Variants in ARHGAP22 observed in about 807,000 individuals in gnomAD.
ARHGAP22 encodes Rho GTPase activating protein 22, also known as rho GTPase-activating protein 22.
ARHGAP22 carries 48 observed loss-of-function variants against 59.1 expected under a neutral mutation model. The ratio of observed to expected loss-of-function variants is 0.81; its 90% CI spans 0.64 to 1.03. The LOEUF (loss-of-function observed/expected upper bound fraction) is 1.03, where lower values mean the gene tolerates loss of function less well. Among genes scored for constraint, ARHGAP22 ranks in the 50% least tolerant of loss-of-function variants. The probability of loss-of-function intolerance (pLI) is 0.00; values close to 1 mark genes in which losing one functional copy is unlikely to be tolerated. For synonymous variants in ARHGAP22, 445 were observed against 416.4 expected, an observed-to-expected ratio of 1.07 and a Z score of -0.84; for missense variants, 1,015 against 958.7, an observed-to-expected ratio of 1.06 and a Z score of -0.78.
At chr10:48,437,523 C>G in the ARHGAP22 span, 1 of 152,144 alleles carries the variant, frequency 6.6e-6, no homozygotes, top group Non-Finnish European at 1.5e-5. Flanking sequence ...TTCATAGATT[C>G]AGAAAGAGAT....
In ARHGAP22 at chr10:48,455,094, A is replaced by T; in HGVS notation, c.700T>A (p.Tyr234Asn). 1 of 1,612,184 alleles carries T rather than the reference A, an allele frequency of 6.2e-7. No homozygotes were observed. The highest frequency in any genetic ancestry group is 8.5e-7 in the Non-Finnish European group (1 of 1,179,448). The change falls in exon 6 of 10, where the codon TAC (tyrosine) becomes AAC (asparagine). Residue 234 changes from tyrosine to asparagine, a missense_variant. Coordinates refer to ENST00000249601, the MANE Select transcript of ARHGAP22 (RefSeq NM_021226.4). ...VHTVASLLKL[Y>N]LRELPEPVVP... ...ACGGGCTCGGGGAGCTCCCGCAGGT[A>T]CAGCTTCAGCAGGGAGGCCACCGTG...
chr10:48,506,862 A>G (rs1361505366), intron 3 of ARHGAP22, among the ~76,000 whole-genome samples: 5 of 152,192 alleles, frequency 3.3e-5, no homozygotes, highest in Non-Finnish European at 7.4e-5. Context: ...CATTTTCTGC[A>G]GAAGGAAACT....
At chr10:48,641,950 A>C (rs755997817) in intron 1 of ARHGAP22, among the ~76,000 whole-genome samples, 30 of 152,210 alleles carry the variant, frequency 2.0e-4, no homozygotes, top group Non-Finnish European at 3.4e-4. Context: ...ATAATAGACA[A>C]ACAGAGAGCC....
intron 1 of ARHGAP22, among the ~76,000 whole-genome samples, chr10:48,622,518 T>A (rs1400847919): frequency 6.6e-6 from 1 of 152,222 alleles, no homozygotes; most frequent in Non-Finnish European, 1.5e-5. Flanking sequence ...AATACATGTA[T>A]ACAATGTTTC....
At chr10:48,609,111 G>A (rs1589149694), upstream of ARHGAP22, among the ~76,000 whole-genome samples, 1 of 152,138 alleles carries the variant, frequency 6.6e-6, no homozygotes, top group Non-Finnish European at 1.5e-5. Flanking sequence ...GTTTTGTTTT[G>A]TTTTTCTTCT....
In ARHGAP22 at chr10:48,450,169, A is replaced by G. The variant is rs961059582; in HGVS notation, c.1868+92T>C. 22 of 1,493,334 alleles carry G rather than the reference A, an allele frequency of 1.5e-5. No individual in the cohort carries two copies. The African/African-American group carries it at 2.7e-4, about 18-fold the overall frequency. 92.5% of individuals were successfully genotyped at this position (1,493,334 alleles called of 1,614,324 possible). On this transcript the variant is annotated intron_variant, in intron 9 of 9. Transcript: ENST00000249601. ...GGCTGGCTTCCAGGGCCAGCGGCCC[A>G]GAGGTTAGGGGCCGACGCCCATGTG...
chr10:48,623,834 T>G (rs1339494023), intron 1 of ARHGAP22, among the ~76,000 whole-genome samples: 1 of 152,246 alleles, frequency 6.6e-6, no homozygotes. Context: ...GACTCATTAG[T>G]TCTCACATTT....
At chr10:48,553,102 G>A (rs1009467868) in intron 3 of ARHGAP22, among the ~76,000 whole-genome samples, 9 of 152,230 alleles carry the variant, frequency 5.9e-5, no homozygotes, top group East Asian at 1.9e-4. Context: ...TCCTAAATCC[G>A]GAGCCCCCAG....
intron 3 of ARHGAP22, among the ~76,000 whole-genome samples, chr10:48,504,809 G>A (rs1248672505): frequency 1.3e-5 from 2 of 152,094 alleles, no homozygotes; most frequent in Admixed American, 1.3e-4. Flanking sequence ...CAGGCACCCA[G>A]GCTCAGTGCC....
At chr10:48,531,385 A>C (rs1489828943) in intron 3 of ARHGAP22, among the ~76,000 whole-genome samples, 1 of 152,234 alleles carries the variant, frequency 6.6e-6, no homozygotes, top group Non-Finnish European at 1.5e-5. Context: ...TTATTCATGT[A>C]ATAAACACCA....
chr10:48,583,119 C>T lies in ARHGAP22; in HGVS notation c.68G>A (p.Ser23Asn). 1 of 1,614,228 alleles carries T rather than the reference C, an allele frequency of 6.2e-7. No individual in the cohort carries two copies. The highest frequency in any genetic ancestry group is 8.5e-7 in the Non-Finnish European group (1 of 1,180,044). The change falls in exon 2 of 10, where the codon AGC (serine) becomes AAC (asparagine). Residue 23 changes from serine (S) to asparagine (N), a missense_variant. Physicochemically the swap from Ser to Asn is conservative, Grantham distance 46 (BLOSUM62 1). Transcript: ENST00000249601. ...GCACGGCATCCGCCCAGGGCTCCGG[C>T]TCTGCTCCCCCATCACTAGGCTTTT... Reference protein sequence around the residue: ...RSKSLVMGEQSRSPGRMPCPH... With the variant: ...RSKSLVMGEQNRSPGRMPCPH...
At chr10:48,646,231 GA>G (rs2136189146) in intron 1 of ARHGAP22, among the ~76,000 whole-genome samples, 1 of 152,256 alleles carries the variant, frequency 6.6e-6, no homozygotes, top group South Asian at 2.1e-4. Context: ...TGAAGTTAAA[GA>G]ATCAATATTG....
At chr10:48,566,786 C>CA (rs1374843914) in intron 2 of ARHGAP22, among the ~76,000 whole-genome samples, 1 of 152,208 alleles carries the variant, frequency 6.6e-6, no homozygotes, top group African/African-American at 2.4e-5. Flanking sequence ...CCATGTTCTG[C>CA]AGAGAGCAGG....
At chr10:48,468,721 T>C (rs1168024660) in intron 4 of ARHGAP22, among the ~76,000 whole-genome samples, 2 of 152,224 alleles carry the variant, frequency 1.3e-5, no homozygotes, top group East Asian at 3.8e-4. Flanking sequence ...AATATCTTGA[T>C]TACTGAGTTT....
chr10:48,437,576 C>T, the ARHGAP22 span: 1 of 152,092 alleles, frequency 6.6e-6, no homozygotes, highest in Non-Finnish European at 1.5e-5. Flanking sequence ...ATTCTCTTCC[C>T]TCTAATATAT....
chr10:48,571,115 C>G (rs1489557679), intron 2 of ARHGAP22, among the ~76,000 whole-genome samples: 1 of 152,110 alleles, frequency 6.6e-6, no homozygotes, highest in Non-Finnish European at 1.5e-5. Context: ...TCTTGGAGAT[C>G]ATTTCTGGCC....
Position 48,479,782 on chromosome 10 carries a change from A to T in ARHGAP22, c.323-18T>A. On this transcript the variant is annotated intron_variant, in intron 3 of 9. Transcript: ENST00000249601. ...GGCACCACCTGCAAGACAGGGAGACACAGGCTTACGCAGGGTCCCTGCCCG... is the reference window on the plus strand; with the variant it reads ...GGCACCACCTGCAAGACAGGGAGACTCAGGCTTACGCAGGGTCCCTGCCCG... 6.4e-7 allele frequency: 1 copy of T among 1,563,772 alleles called. No homozygotes were observed.
At chr10:48,463,449 AG>A (rs955085077) in intron 4 of ARHGAP22, among the ~76,000 whole-genome samples, 32 of 152,282 alleles carry the variant, frequency 2.1e-4, no homozygotes, top group African/African-American at 7.2e-4. Context: ...CCATGGGCAG[AG>A]GGTCCCATGA....
intron 3 of ARHGAP22, among the ~76,000 whole-genome samples, chr10:48,538,680 T>C (rs1208597835): frequency 6.6e-6 from 1 of 152,214 alleles, no homozygotes; most frequent in East Asian, 1.9e-4. Context: ...TGCACTACAG[T>C]AGGCGTTTGG....
Sources: allele counts gnomAD v4.1 joint callset (sites outside exome capture counted in the v4.1 genomes callset), GRCh38; gene constraint gnomAD v4.1.1; transcripts MANE v1.5; gene names NCBI Gene and HGNC (gene_info 2026-07-23, HGNC 2026-07-21).